Variants in PDZD2 observed in about 807,000 individuals in gnomAD.
PDZD2 encodes the protein PDZ domain containing 2, also known as PDZ domain-containing protein 2.
In PDZD2, 90 loss-of-function variants were observed where a neutral mutation model predicts 220.7. That is an observed-to-expected ratio of 0.41 (90% CI 0.34 to 0.49). The LOEUF (loss-of-function observed/expected upper bound fraction) is 0.49, where lower values mean the gene tolerates loss of function less well. Ranked by LOEUF, PDZD2 falls within the 20% of genes least tolerant of loss-of-function variation. The pLI, the probability that PDZD2 is intolerant of heterozygous loss-of-function variation, is 0.28. For missense variants in PDZD2, 3,174 were observed against 3,608.5 expected (o/e 0.88, Z 3.08); for synonymous variants, 1,375 against 1,450.5 (o/e 0.95, Z 1.18).
rs193153714 is a variant in PDZD2, at chr5:31,810,455, C to T, written c.476+10731C>T. On this transcript the variant is annotated intron_variant, in intron 2 of 24. Coordinates refer to ENST00000438447, the MANE Select transcript of PDZD2 (RefSeq NM_178140.4). ...ATTTTTGTATATTTTTTAGTAGAGACGGGGTTTCACTGTGTTACCCAGGAT... is the reference window on the plus strand; with the variant it reads ...ATTTTTGTATATTTTTTAGTAGAGATGGGGTTTCACTGTGTTACCCAGGAT... Among the ~76,000 whole-genome samples, 532 of 152,162 alleles carry T rather than the reference C, an allele frequency of 3.5e-3. 4 individuals are homozygous for T. The highest frequency in any genetic ancestry group is 4.6e-3 in the Non-Finnish European group (315 of 68,014).
chr5:31,981,639 G>A (rs533041356), intron 2 of PDZD2, among the ~76,000 whole-genome samples: 5 of 152,318 alleles, frequency 3.3e-5, no homozygotes, highest in South Asian at 2.1e-4. Flanking sequence ...CTTTTGCTGC[G>A]TGAGCATAAG....
chr5:31,901,256 A>G (rs1038505846), intron 2 of PDZD2, among the ~76,000 whole-genome samples: 16 of 152,044 alleles, frequency 1.1e-4, no homozygotes, highest in Non-Finnish European at 2.1e-4. Context: ...CATCTCTACT[A>G]AAAATACAAA....
At chr5:31,915,508 C>G (rs1268693296) in intron 2 of PDZD2, among the ~76,000 whole-genome samples, 1 of 152,146 alleles carries the variant, frequency 6.6e-6, no homozygotes, top group Non-Finnish European at 1.5e-5. Context: ...GGCAAACTCT[C>G]CAGGAAAGCC....
At chr5:31,789,726 C>G (rs768693583) in intron 1 of PDZD2, among the ~76,000 whole-genome samples, 15 of 152,318 alleles carry the variant, frequency 9.8e-5, no homozygotes, top group Non-Finnish European at 1.8e-4. Context: ...TGAGACCAGC[C>G]TGGCCAACGT....
intron 1 of PDZD2, among the ~76,000 whole-genome samples, chr5:31,742,815 A>AAAGGGCT (rs1750350268): frequency 6.6e-6 from 1 of 152,216 alleles, no homozygotes; most frequent in South Asian, 2.1e-4. Context: ...CCTGGTACAC[A>AAAGGGCT]AAGGGCTTTG....
chr5:32,002,917 CA>C (rs1208930387), intron 5 of PDZD2, among the ~76,000 whole-genome samples: 2 of 101,090 alleles, frequency 2.0e-5, no homozygotes, highest in Non-Finnish European at 2.1e-5. Context: ...ACCACACACA[CA>C]CCACACACAC....
intron 2 of PDZD2, among the ~76,000 whole-genome samples, chr5:31,956,140 T>C (rs148152807): frequency 5.5e-4 from 83 of 152,112 alleles, no homozygotes; most frequent in African/African-American, 2.0e-3. Flanking sequence ...GGTCCCTTGC[T>C]CTATAGTACT....
intron 1 of PDZD2, among the ~76,000 whole-genome samples, chr5:31,721,921 A>C (rs920749678): frequency 6.6e-6 from 1 of 152,042 alleles, no homozygotes; most frequent in Non-Finnish European, 1.5e-5. Flanking sequence ...CATCTCCATA[A>C]ATTGCATCCC....
chr5:31,991,181 G>A (rs1412708470), intron 3 of PDZD2, among the ~76,000 whole-genome samples: 1 of 152,198 alleles, frequency 6.6e-6, no homozygotes, highest in Non-Finnish European at 1.5e-5. Flanking sequence ...CTTATGCTGA[G>A]TGCATCACAG....
intron 5 of PDZD2, among the ~76,000 whole-genome samples, chr5:32,003,103 C>A (rs1256098361): frequency 2.4e-5 from 3 of 124,046 alleles, no homozygotes; most frequent in Non-Finnish European, 3.4e-5. Flanking sequence ...CACACACACA[C>A]CCCACAAACA....
intron 5 of PDZD2, among the ~76,000 whole-genome samples, chr5:32,002,657 TACACACACACACC>T (rs570624667): frequency 0.025 from 1,911 of 76,716 alleles, 36 homozygotes; most frequent in Middle Eastern, 0.056. Flanking sequence ...CCCCACATAC[TACACACACACACC>T]ACACACACAC....
intron 1 of PDZD2, among the ~76,000 whole-genome samples, chr5:31,759,381 A>G (rs1306990234): frequency 1.3e-5 from 2 of 151,986 alleles, no homozygotes; most frequent in African/African-American, 2.4e-5. Context: ...TTCATCCTAA[A>G]TTTTGCTTTA....
intron 6 of PDZD2, among the ~76,000 whole-genome samples, chr5:32,024,485 C>A (rs1444244242): frequency 6.6e-6 from 1 of 151,994 alleles, no homozygotes; most frequent in African/African-American, 2.4e-5. Context: ...GAGTTTGAGA[C>A]CAATATGGCC....
At chr5:31,698,459 C>T (rs781063044) in intron 1 of PDZD2, among the ~76,000 whole-genome samples, 3 of 150,730 alleles carry the variant, frequency 2.0e-5, no homozygotes, top group South Asian at 4.2e-4. Flanking sequence ...ATTAGCCAGG[C>T]GTGGTAGCGG....
intron 2 of PDZD2, among the ~76,000 whole-genome samples, chr5:31,982,523 G>A (rs1047710186): frequency 6.6e-6 from 1 of 152,150 alleles, no homozygotes; most frequent in African/African-American, 2.4e-5. Context: ...ACCCAAGCTG[G>A]TCTCAAACCC....
intron 2 of PDZD2, among the ~76,000 whole-genome samples, chr5:31,961,363 C>G (rs1361839665): frequency 2.9e-5 from 3 of 102,456 alleles, no homozygotes; most frequent in African/African-American, 1.3e-4. Context: ...GAAACTCCGT[C>G]TCTACAAAAA....
chr5:32,015,872 A>G (rs1352953827), intron 6 of PDZD2, among the ~76,000 whole-genome samples: 2 of 152,180 alleles, frequency 1.3e-5, no homozygotes, highest in Non-Finnish European at 2.9e-5. Context: ...AATGGAAGTA[A>G]TGGTTGTCTT....
rs761017589 is a variant in PDZD2, at chr5:32,089,700, C to G, written c.6252C>G (p.Leu2084=). 6 of 1,614,042 alleles carry G rather than the reference C, an allele frequency of 3.7e-6. No homozygotes were observed. The highest frequency in any genetic ancestry group is 3.3e-5 in the Admixed American group (2 of 59,998). Residue 2084 remains leucine, a synonymous_variant, in exon 20 of 25, where the codon CTC becomes CTG. Transcript: ENST00000438447. The part of the protein sequence containing the change: ...KGGNIMASDR[L]ERTNQLKIVE... ...GCAACATAATGGCCAGCGATCGCCT[C>G]GAAAGAACAAACCAGCTGAAAATCG...
intron 1 of PDZD2, chr5:31,657,165 AAGGT>A (rs1402501219): frequency 6.6e-6 from 1 of 152,246 alleles, no homozygotes; most frequent in Non-Finnish European, 1.5e-5. Context: ...CAAAGGGGAT[AAGGT>A]TACTAGACCT....
Sources: allele counts gnomAD v4.1 joint callset (sites outside exome capture counted in the v4.1 genomes callset), GRCh38; gene constraint gnomAD v4.1.1; transcripts MANE v1.5; gene names NCBI Gene and HGNC (gene_info 2026-07-23, HGNC 2026-07-21).